Variants in TBC1D32 observed in about 807,000 individuals in gnomAD.
TBC1D32 encodes the protein TBC1 domain family member 32.
In TBC1D32, 151 loss-of-function variants were observed where a neutral mutation model predicts 170.3. The ratio of observed to expected loss-of-function variants is 0.89; its 90% CI spans 0.78 to 1.01. The LOEUF is 1.01. TBC1D32 is among the 50% of genes least tolerant of loss of function. The pLI, the probability that TBC1D32 is intolerant of heterozygous loss-of-function variation, is 0.00. For synonymous variants in TBC1D32, 498 were observed against 488.0 expected (o/e 1.02, Z -0.27); for missense variants, 1,464 against 1,457.1 (o/e 1.00, Z -0.08).
At chr6:121,266,023 T>C (rs563741465) in intron 15 of TBC1D32, among the ~76,000 whole-genome samples, 1 of 152,200 alleles carries the variant, frequency 6.6e-6, no homozygotes, top group Non-Finnish European at 1.5e-5. Flanking sequence ...GCAAAGATTT[T>C]ATGATGAAAT....
rs1775483653 is a variant in TBC1D32 at position 121,079,980 on chromosome 6, A to G, written c.*791T>C. 1 of 152,198 alleles carries G rather than the reference A, an allele frequency of 6.6e-6. No homozygotes were observed. Among genetic ancestry groups the G allele is most frequent in the African/African-American group, 2.4e-5 (1 of 41,452 alleles). The allele number at this position is 152,198 out of a possible 1,614,324, so 9.4% of individuals were successfully genotyped here. A position where few individuals can be genotyped will look rare whatever the true frequency, so the allele number is the denominator to read the frequency against. ...TATGTCCAAGGACAACAGTTTTCCT[A>G]CCACTTGCCATGGTAAATAGTATCA... On this transcript the variant is annotated 3_prime_UTR_variant, in exon 32 of 32. Coordinates refer to ENST00000398212, the MANE Select transcript of TBC1D32 (RefSeq NM_152730.6).
rs576793314 is a variant in TBC1D32 at position 121,254,437 on chromosome 6, A to C, written c.2018+891T>G. 9.8e-5 allele frequency among the ~76,000 whole-genome samples: 15 copies of C among 152,308 alleles called. No homozygotes were observed. The East Asian group carries it at 2.9e-3, about 29-fold the overall frequency. On this transcript the variant is annotated intron_variant, in intron 17 of 31. Transcript: ENST00000398212. The stretch of plus-strand genomic sequence containing the variant: ...ATTAAAAATGAAAATTAATTATTAA[A>C]AAATGAGATCTAAAAATTACCTCAA...
At chr6:121,194,337 C>A (rs879663133) in intron 22 of TBC1D32, among the ~76,000 whole-genome samples, 3 of 152,180 alleles carry the variant, frequency 2.0e-5, no homozygotes, top group Admixed American at 6.5e-5. Context: ...AAATGGAAGC[C>A]ATTAGAGCTG....
At chr6:121,149,347 A>G (rs1242449397) in intron 24 of TBC1D32, among the ~76,000 whole-genome samples, 1 of 152,116 alleles carries the variant, frequency 6.6e-6, no homozygotes, top group African/African-American at 2.4e-5. Flanking sequence ...CTATGTCCTG[A>G]ATGGTATTGC....
intron 24 of TBC1D32, among the ~76,000 whole-genome samples, chr6:121,148,004 A>G (rs1257244235): frequency 7.4e-6 from 1 of 135,826 alleles, no homozygotes; most frequent in Non-Finnish European, 1.6e-5. Context: ...GTTTTATTAT[A>G]CTTTAAGTTC....
chr6:121,198,730 G>A (rs1583184294), intron 22 of TBC1D32, among the ~76,000 whole-genome samples: 1 of 151,142 alleles, frequency 6.6e-6, no homozygotes, highest in African/African-American at 2.5e-5. Context: ...TAGCCTGGGC[G>A]ACAGAGCGAG....
chr6:121,222,072 C>A (rs1025000230), intron 21 of TBC1D32, among the ~76,000 whole-genome samples: 1 of 152,202 alleles, frequency 6.6e-6, no homozygotes, highest in Non-Finnish European at 1.5e-5. Context: ...ACTGATCAGT[C>A]AGCTGCCATC....
intron 30 of TBC1D32, among the ~76,000 whole-genome samples, chr6:121,098,800 G>T (rs1305256843): frequency 6.6e-6 from 1 of 151,884 alleles, no homozygotes; most frequent in Non-Finnish European, 1.5e-5. Context: ...TATGATCCAG[G>T]ATATTTCCAT....
rs1554194472 is a variant in TBC1D32 at position 121,334,449 on chromosome 6, CCA to C, written c.-21_-20del. The C allele has an allele frequency of 6.2e-7, 1 of 1,609,156 alleles. No individual in the cohort carries two copies. The highest frequency in any genetic ancestry group is 8.5e-7 in the Non-Finnish European group (1 of 1,177,416). ...GGGCCATCCTGTTGGAATCAAACGT[CCA>C]CTCTCATTACTCCAGGTCCGAGCAA... On this transcript the variant is annotated 5_prime_UTR_variant, in exon 1 of 32. An upstream open reading frame in the 5' UTR loses its in-frame stop. Transcript: ENST00000398212.
chr6:121,286,434 G>C (rs1189429150), intron 12 of TBC1D32, among the ~76,000 whole-genome samples: 2 of 151,974 alleles, frequency 1.3e-5, no homozygotes, highest in African/African-American at 4.8e-5. Context: ...GAGAAGTTTA[G>C]AGAAAAAAGA....
intron 30 of TBC1D32, among the ~76,000 whole-genome samples, chr6:121,091,443 C>T (rs1776791658): frequency 6.6e-6 from 1 of 151,966 alleles, no homozygotes; most frequent in Admixed American, 6.6e-5. Context: ...TATAATTATG[C>T]AGATGACAGA....
At chr6:121,244,400 T>C (rs1224935207) in intron 17 of TBC1D32, among the ~76,000 whole-genome samples, 1 of 152,046 alleles carries the variant, frequency 6.6e-6, no homozygotes, top group Non-Finnish European at 1.5e-5. Context: ...AGTACACATA[T>C]GTCCTTTGTG....
intron 30 of TBC1D32, among the ~76,000 whole-genome samples, chr6:121,104,055 A>G (rs1778436558): frequency 6.6e-6 from 1 of 151,898 alleles, no homozygotes; most frequent in Non-Finnish European, 1.5e-5. Flanking sequence ...TTTCTTATTA[A>G]CTTCAGAAAG....
chr6:121,273,309 C>T (rs1801743545), intron 15 of TBC1D32, among the ~76,000 whole-genome samples: 1 of 151,084 alleles, frequency 6.6e-6, no homozygotes, highest in African/African-American at 2.4e-5. Context: ...ACTATGCAGC[C>T]ATAAAAAAGT....
chr6:121,278,576 C>A (rs898069084), intron 15 of TBC1D32, among the ~76,000 whole-genome samples: 2 of 152,084 alleles, frequency 1.3e-5, no homozygotes, highest in Non-Finnish European at 2.9e-5. Flanking sequence ...AATTGTGGTA[C>A]AGCTATACAC....
chr6:121,305,116 A>G (rs1052600470), intron 5 of TBC1D32, among the ~76,000 whole-genome samples: 2 of 152,124 alleles, frequency 1.3e-5, no homozygotes, highest in African/African-American at 4.8e-5. Context: ...GAGGTTTCAT[A>G]GAGGAGACAA....
At chr6:121,259,305 T>TA (rs1439517277) in intron 15 of TBC1D32, among the ~76,000 whole-genome samples, 8 of 151,218 alleles carry the variant, frequency 5.3e-5, no homozygotes, top group Admixed American at 5.3e-4. Flanking sequence ...CTCAAAAAAA[T>TA]AAACAAAATA....
chr6:121,305,350 A>G (rs1209520936), intron 5 of TBC1D32, among the ~76,000 whole-genome samples: 1 of 152,068 alleles, frequency 6.6e-6, no homozygotes, highest in Non-Finnish European at 1.5e-5. Flanking sequence ...TAGAAGGTAA[A>G]TAAGTTAAAA....
chr6:121,202,586 T>C (rs1026959742), intron 22 of TBC1D32, among the ~76,000 whole-genome samples: 1 of 151,334 alleles, frequency 6.6e-6, no homozygotes, highest in African/African-American at 2.5e-5. Flanking sequence ...CATATTTTGC[T>C]ATATAGATCA....
Sources: allele counts gnomAD v4.1 joint callset (sites outside exome capture counted in the v4.1 genomes callset), GRCh38; gene constraint gnomAD v4.1.1; transcripts MANE v1.5; gene names NCBI Gene and HGNC (gene_info 2026-07-23, HGNC 2026-07-21).